TMEM260: variants seen among roughly 807,000 people sequenced by gnomAD.
The protein encoded by TMEM260 is protein O-mannosyl-transferase TMEM260.
TMEM260 carries 82 observed loss-of-function variants against 88.9 expected under a neutral mutation model. The observed-to-expected ratio is 0.92, with a 90% confidence interval of 0.77 to 1.11. TMEM260 has a LOEUF of 1.11. TMEM260 is among the 50% of genes least tolerant of loss of function. The pLI, the probability that TMEM260 is intolerant of heterozygous loss-of-function variation, is 0.00. For synonymous variants in TMEM260, 314 were observed against 309.3 expected (o/e 1.02, Z -0.16); for missense variants, 902 against 853.4 (o/e 1.06, Z -0.71).
intron 8 of TMEM260, 70 bp downstream of exon 8, chr14:56,616,097 C>A: frequency 8.8e-7 from 1 of 1,130,012 alleles, no homozygotes; most frequent in Non-Finnish European, 1.3e-6. Context: ...TTCAGTATGT[C>A]GCTGTAGGAC....
chr14:56,615,874 C>T (rs904008521), intron 7 of TMEM260, 70 bp from the exon 8 acceptor site: 5 of 1,083,756 alleles, frequency 4.6e-6, no homozygotes, highest in South Asian at 1.3e-5. Flanking sequence ...TGGTATCTTA[C>T]AAGGACTATT....
intron 3 of TMEM260, among the ~76,000 whole-genome samples, chr14:56,587,839 A>T (rs1566526954): frequency 6.6e-6 from 1 of 152,092 alleles, no homozygotes; most frequent in Non-Finnish European, 1.5e-5. Flanking sequence ...TTCAAAAAGG[A>T]GAAGCCATCT....
intron 1 of TMEM260, among the ~76,000 whole-genome samples, chr14:56,584,295 A>T (rs182032630): frequency 2.0e-5 from 3 of 152,124 alleles, no homozygotes; most frequent in Non-Finnish European, 4.4e-5. Flanking sequence ...CGGTACTACA[A>T]TGTACAGGGA....
chr14:56,602,411 G>C lies in TMEM260; in HGVS notation c.345-1404G>C, dbSNP rs191552507. Among the ~76,000 whole-genome samples the C allele has an allele frequency of 9.2e-5, 14 of 152,216 alleles. No individual in the cohort carries two copies. The East Asian group carries it at 2.7e-3, about 29-fold the overall frequency. ...ATGTTGATCATTAGTGAATGAGTGG[G>C]ATCCAGTTTATTGGAAGCCTGGATT... On this transcript the variant is annotated intron_variant, in intron 3 of 15. Coordinates refer to ENST00000261556, the MANE Select transcript of TMEM260 (RefSeq NM_017799.4).
intron 3 of TMEM260, among the ~76,000 whole-genome samples, chr14:56,602,696 C>T (rs376546302): frequency 3.3e-5 from 5 of 151,640 alleles, no homozygotes; most frequent in Non-Finnish European, 7.4e-5. Context: ...GCTGGAAGAA[C>T]GGGAAGCTGA....
At chr14:56,642,224 T>C (rs905976030) in intron 15 of TMEM260, among the ~76,000 whole-genome samples, 26 of 152,062 alleles carry the variant, frequency 1.7e-4, no homozygotes, top group Non-Finnish European at 3.1e-4. Context: ...AGCACCGCAT[T>C]GCACTTATTC....
chr14:56,596,381 A>AGAGT (rs1555334739), intron 3 of TMEM260, among the ~76,000 whole-genome samples: 2,451 of 126,532 alleles, frequency 0.019, 71 homozygotes, highest in African/African-American at 0.061. Context: ...TATATGTGAG[A>AGAGT]GTGTGTGTGT....
intron 5 of TMEM260, among the ~76,000 whole-genome samples, chr14:56,607,015 T>C (rs1332773332): frequency 1.3e-5 from 2 of 152,236 alleles, no homozygotes; most frequent in Admixed American, 6.5e-5. Flanking sequence ...ATGTAAATCT[T>C]ATTAAACAGC....
chr14:56,596,404 G>GTATA (rs1325127327), intron 3 of TMEM260, among the ~76,000 whole-genome samples: 3 of 127,078 alleles, frequency 2.4e-5, no homozygotes, highest in African/African-American at 9.3e-5. Context: ...GTGTGTGTGT[G>GTATA]TGTATATATA....
the TMEM260 span, among the ~76,000 whole-genome samples, chr14:56,659,658 G>A: frequency 3.9e-5 from 6 of 152,132 alleles, no homozygotes; most frequent in Non-Finnish European, 7.3e-5. Context: ...GGATCTAGTC[G>A]GGGATTATTC....
intron 3 of TMEM260, among the ~76,000 whole-genome samples, chr14:56,600,043 C>G (rs978076362): frequency 1.3e-5 from 2 of 152,152 alleles, no homozygotes; most frequent in Non-Finnish European, 2.9e-5. Flanking sequence ...CACATATTAA[C>G]TGTCATAAAC....
At chr14:56,622,066 G>A (rs553878270) in intron 11 of TMEM260, among the ~76,000 whole-genome samples, 3 of 152,122 alleles carry the variant, frequency 2.0e-5, no homozygotes, top group Non-Finnish European at 2.9e-5. Context: ...CATTCAGGCC[G>A]GGCGCAGTGG....
At chr14:56,596,406 G>GTGTGTGTGTGTGTGTGTA (rs1290307932) in intron 3 of TMEM260, among the ~76,000 whole-genome samples, 11 of 111,326 alleles carry the variant, frequency 9.9e-5, no homozygotes, top group African/African-American at 3.4e-4. Context: ...GTGTGTGTGT[G>GTGTGTGTGTGTGTGTGTA]TATATATATA....
At chr14:56,627,288 C>T (rs958803294) in intron 12 of TMEM260, among the ~76,000 whole-genome samples, 3 of 151,906 alleles carry the variant, frequency 2.0e-5, no homozygotes, top group African/African-American at 7.3e-5. Flanking sequence ...TTTTTAAAAA[C>T]TGGAAGAAAA....
chr14:56,634,064 A>G (rs1435387013), intron 13 of TMEM260, among the ~76,000 whole-genome samples: 2 of 152,252 alleles, frequency 1.3e-5, no homozygotes, highest in African/African-American at 2.4e-5. Flanking sequence ...GTACACGTAC[A>G]TAACTTTGCT....
the TMEM260 span, among the ~76,000 whole-genome samples, chr14:56,659,261 GT>G: frequency 1.1e-3 from 157 of 140,304 alleles, 2 homozygotes; most frequent in South Asian, 5.4e-3. Context: ...TTTGGTTTTT[GT>G]TTTTTTTTTT....
chr14:56,612,222 A>C (rs1208428672), intron 6 of TMEM260, 23 bp from the exon 7 acceptor site: 2 of 1,605,890 alleles, frequency 1.2e-6, no homozygotes, highest in Non-Finnish European at 1.7e-6. Flanking sequence ...TTGTGCAGAT[A>C]AACTTTTGTC....
intron 7 of TMEM260, chr14:56,612,546 T>G: frequency 4.3e-6 from 2 of 468,882 alleles, no homozygotes; most frequent in Non-Finnish European, 7.6e-6. Flanking sequence ...ATATAACCTA[T>G]TTACATCCTC....
At chr14:56,633,308 C>A in intron 13 of TMEM260, 137 bp downstream of exon 13, 1 of 628,756 alleles carries the variant, frequency 1.6e-6, no homozygotes, top group Non-Finnish European at 2.6e-6. Flanking sequence ...CCACAAAATA[C>A]CATAAAACAA....
Sources: allele counts gnomAD v4.1 joint callset (sites outside exome capture counted in the v4.1 genomes callset), GRCh38; gene constraint gnomAD v4.1.1; transcripts MANE v1.5; gene names NCBI Gene and HGNC (gene_info 2026-07-23, HGNC 2026-07-21).